The following CAMKMT variants were observed in gnomAD, a reference collection of about 807,000 sequenced individuals.
CAMKMT encodes the protein calmodulin-lysine N-methyltransferase.
Under a neutral mutation model 48.0 loss-of-function variants are expected in CAMKMT, and 53 were observed. The observed-to-expected ratio is 1.10, with a 90% confidence interval of 0.89 to 1.39. CAMKMT has a LOEUF of 1.39. Among genes scored for constraint, CAMKMT ranks in the 40% most tolerant of loss-of-function variants. CAMKMT has a pLI of 0.00. For missense variants in CAMKMT, 428 were observed against 402.7 expected, an observed-to-expected ratio of 1.06 and a Z score of -0.54; for synonymous variants, 165 against 152.3, an observed-to-expected ratio of 1.08 and a Z score of -0.61.
chr2:44,742,764 G>C (rs1679750218), intron 7 of CAMKMT, among the ~76,000 whole-genome samples: 1 of 152,144 alleles, frequency 6.6e-6, no homozygotes, highest in Admixed American at 6.5e-5. Flanking sequence ...AGATATAGAA[G>C]AAATGAATCC....
intron 3 of CAMKMT, among the ~76,000 whole-genome samples, chr2:44,445,995 A>T (rs7573180): frequency 0.021 from 3,227 of 152,152 alleles, 117 homozygotes; most frequent in African/African-American, 0.073. Flanking sequence ...CCTTATCTTT[A>T]TCCTTATTCT....
At chr2:44,558,927 CTAAAA>C (rs1271884533) in intron 3 of CAMKMT, among the ~76,000 whole-genome samples, 1 of 149,240 alleles carries the variant, frequency 6.7e-6, no homozygotes, top group Non-Finnish European at 1.5e-5. Context: ...CCCCCTGAAC[CTAAAA>C]TAAAAGTCTG....
At chr2:44,522,493 G>A (rs2104801171) in intron 3 of CAMKMT, among the ~76,000 whole-genome samples, 1 of 152,246 alleles carries the variant, frequency 6.6e-6, no homozygotes, top group South Asian at 2.1e-4. Flanking sequence ...AAGATACTTA[G>A]AACCCCTATT....
chr2:44,383,928 A>G (rs1055538701), intron 2 of CAMKMT, among the ~76,000 whole-genome samples: 1 of 152,190 alleles, frequency 6.6e-6, no homozygotes, highest in Non-Finnish European at 1.5e-5. Context: ...TTGTGCTGCT[A>G]TAAACATGAG....
intron 3 of CAMKMT, among the ~76,000 whole-genome samples, chr2:44,512,258 G>A (rs1257776466): frequency 6.6e-6 from 1 of 152,156 alleles, no homozygotes. Flanking sequence ...CCAACATTTT[G>A]ACTTTGGACA....
intron 3 of CAMKMT, among the ~76,000 whole-genome samples, chr2:44,404,476 A>G (rs1328026727): frequency 1.3e-5 from 2 of 152,080 alleles, no homozygotes; most frequent in African/African-American, 2.4e-5. Context: ...GGAGAGCACT[A>G]AGTTGCTATT....
At chr2:44,571,410 G>C (rs527968468) in intron 3 of CAMKMT, among the ~76,000 whole-genome samples, 94 of 152,276 alleles carry the variant, frequency 6.2e-4, no homozygotes, top group African/African-American at 2.2e-3. Flanking sequence ...ATGTGTTGAA[G>C]TAAATAATTA....
At chr2:44,367,684 G>A (rs1678748557) in intron 1 of CAMKMT, among the ~76,000 whole-genome samples, 2 of 152,158 alleles carry the variant, frequency 1.3e-5, no homozygotes, top group Non-Finnish European at 2.9e-5. Flanking sequence ...CCTATTATCT[G>A]GAAGCTAAGT....
chr2:44,619,777 T>C (rs2103927068), intron 3 of CAMKMT, among the ~76,000 whole-genome samples: 2 of 152,322 alleles, frequency 1.3e-5, no homozygotes, highest in Middle Eastern at 6.8e-3. Flanking sequence ...TAACATTGGA[T>C]TTAGAATTCT....
chr2:44,487,885 A>G (rs1490151285), intron 3 of CAMKMT, among the ~76,000 whole-genome samples: 1 of 152,276 alleles, frequency 6.6e-6, no homozygotes, highest in African/African-American at 2.4e-5. Flanking sequence ...TGCTTCAAGC[A>G]GGTAGATTTT....
intron 3 of CAMKMT, among the ~76,000 whole-genome samples, chr2:44,398,933 A>G (rs982401538): frequency 6.6e-6 from 1 of 152,176 alleles, no homozygotes; most frequent in Non-Finnish European, 1.5e-5. Context: ...TCTTCTCTGA[A>G]CTTTTACTCT....
intron 2 of CAMKMT, among the ~76,000 whole-genome samples, chr2:44,373,711 T>A (rs1485027312): frequency 6.6e-6 from 1 of 152,244 alleles, no homozygotes. Flanking sequence ...TTTCTCGAGC[T>A]ATTTTAGTTT....
At chr2:44,516,736 G>C (rs1670849800) in intron 3 of CAMKMT, among the ~76,000 whole-genome samples, 1 of 147,960 alleles carries the variant, frequency 6.8e-6, no homozygotes, top group Admixed American at 6.7e-5. Flanking sequence ...GATGTTTCTT[G>C]AGATTTTTTT....
intron 3 of CAMKMT, among the ~76,000 whole-genome samples, chr2:44,537,817 T>C (rs10865202): frequency 0.71 from 108,511 of 152,060 alleles, 39,313 homozygotes; most frequent in Middle Eastern, 0.78. Context: ...CCTGCCTTGG[T>C]CTCCCAAAGT....
rs551932838 is a variant in CAMKMT at position 44,537,209 on chromosome 2, C to T, written c.376+146904C>T. On this transcript the variant is annotated intron_variant, in intron 3 of 10. Coordinates refer to ENST00000378494, the MANE Select transcript of CAMKMT (RefSeq NM_024766.5). ...GCCTCTGCACAGCAAAGGAAACAAT[C>T]AACAGAATAAAGGCATAACCTTCTG... Among the ~76,000 whole-genome samples, 36 of 152,262 alleles carry T rather than the reference C, an allele frequency of 2.4e-4. No homozygotes were observed. The South Asian group carries it at 7.5e-3, about 32-fold the overall frequency.
At chr2:44,403,476 A>C (rs1682569393) in intron 3 of CAMKMT, among the ~76,000 whole-genome samples, 1 of 152,198 alleles carries the variant, frequency 6.6e-6, no homozygotes. Context: ...GATTTTCAAC[A>C]AATTCTTCTG....
intron 7 of CAMKMT, among the ~76,000 whole-genome samples, chr2:44,718,625 A>G (rs561313701): frequency 3.0e-4 from 45 of 152,330 alleles, no homozygotes; most frequent in Middle Eastern, 3.4e-3. Context: ...ACAAAGAACC[A>G]TTTGGAGCTT....
chr2:44,456,811 G>T (rs1027016518), intron 3 of CAMKMT: 2 of 504,566 alleles, frequency 4.0e-6, no homozygotes, highest in Admixed American at 3.8e-5. Context: ...CCTATTTTAC[G>T]ATTTCTCCTT....
chr2:44,365,586 C>G (rs1314285707), intron 1 of CAMKMT, among the ~76,000 whole-genome samples: 1 of 152,146 alleles, frequency 6.6e-6, no homozygotes, highest in Admixed American at 6.5e-5. Context: ...TAACTCTTTT[C>G]CCCAACATCC....
Sources: allele counts gnomAD v4.1 joint callset (sites outside exome capture counted in the v4.1 genomes callset), GRCh38; gene constraint gnomAD v4.1.1; transcripts MANE v1.5; gene names NCBI Gene and HGNC (gene_info 2026-07-23, HGNC 2026-07-21).